SHISA6: variants seen among roughly 807,000 people sequenced by gnomAD.
The protein encoded by SHISA6 is shisa family member 6, also known as protein shisa-6.
In SHISA6, 22 loss-of-function variants were observed where a neutral mutation model predicts 47.9. The observed-to-expected ratio is 0.46, with a 90% CI of 0.33 to 0.66. The LOEUF (loss-of-function observed/expected upper bound fraction) is 0.66. SHISA6 is among the 30% of genes least tolerant of loss of function. The pLI, the probability that SHISA6 is intolerant of heterozygous loss-of-function variation, is 0.02. For synonymous variants in SHISA6, 388 were observed against 337.8 expected (o/e 1.15, Z -1.63); for missense variants, 680 against 764.6 (o/e 0.89, Z 1.30).
intron 3 of SHISA6, among the ~76,000 whole-genome samples, chr17:11,451,559 C>G (rs1035786841): frequency 6.6e-6 from 1 of 152,068 alleles, no homozygotes; most frequent in African/African-American, 2.4e-5. Context: ...AAGGAATGAC[C>G]GGTCAGGGGA....
At chr17:11,375,628 G>A (rs770917943) in intron 2 of SHISA6, among the ~76,000 whole-genome samples, 8 of 152,108 alleles carry the variant, frequency 5.3e-5, no homozygotes, top group African/African-American at 7.2e-5. Context: ...AGAGTCAGCC[G>A]TATCACACAC....
intron 3 of SHISA6, among the ~76,000 whole-genome samples, chr17:11,425,923 A>G (rs1914599049): frequency 6.6e-6 from 1 of 152,186 alleles, no homozygotes; most frequent in Non-Finnish European, 1.5e-5. Context: ...TCCTAAGCCC[A>G]ACACTGAACC....
intron 2 of SHISA6, among the ~76,000 whole-genome samples, chr17:11,322,258 G>T (rs1391054507): frequency 6.6e-6 from 1 of 151,308 alleles, no homozygotes; most frequent in Non-Finnish European, 1.5e-5. Flanking sequence ...GTCAAAGAAC[G>T]TAAAAAAGAA....
chr17:11,360,743 C>T (rs1047906862), intron 2 of SHISA6, among the ~76,000 whole-genome samples: 7 of 151,148 alleles, frequency 4.6e-5, no homozygotes, highest in Non-Finnish European at 8.8e-5. Context: ...CACATGTATA[C>T]CTGTGTAACA....
rs1217865843 is a variant in SHISA6, at chr17:11,241,996, G to A, written c.574G>A (p.Gly192Ser). The A allele has an allele frequency of 6.4e-7, 1 of 1,551,080 alleles. No homozygotes were observed. The highest frequency in any genetic ancestry group is 8.7e-7 in the Non-Finnish European group (1 of 1,147,000). Residue 192 changes from glycine (G) to serine (S), a missense_variant, in exon 1 of 6, where the codon GGC becomes AGC. By Grantham distance (56) the Gly-to-Ser change is moderately conservative. This residue lies in a region of SHISA6 where 559 missense variants were observed against 674.1 expected (regional missense o/e 0.83). Coordinates refer to ENST00000441885, the MANE Select transcript of SHISA6 (RefSeq NM_207386.4). This position sits in a 1 kb window ranked among gnomAD's most constrained non-coding sequence, Gnocchi z 5.5. ...CGVIAFVIVA[G>S]VFAKVSYDKA... ...GGTGATCGCCTTCGTCATCGTGGCC[G>A]GCGTCTTCGCCAAGGTCTCCTACGA...
intron 3 of SHISA6, among the ~76,000 whole-genome samples, chr17:11,460,271 G>A (rs546176924): frequency 5.3e-5 from 8 of 152,206 alleles, no homozygotes; most frequent in Non-Finnish European, 1.0e-4. Flanking sequence ...CAACCAGCTA[G>A]GCTAGGCGCC....
intron 2 of SHISA6, among the ~76,000 whole-genome samples, chr17:11,342,457 G>A (rs1911566904): frequency 6.6e-6 from 1 of 152,070 alleles, no homozygotes; most frequent in Admixed American, 6.5e-5. Context: ...CTTCCCATCA[G>A]TCTAGGGGAG....
At chr17:11,555,635 G>C in intron 4 of SHISA6, 105 bp from the exon 5 acceptor site, 1 of 1,299,004 alleles carries the variant, frequency 7.7e-7, no homozygotes, top group South Asian at 1.6e-5. Flanking sequence ...AAGCACAGAG[G>C]TCCAGGAAAG....
chr17:11,311,470 A>C (rs1369501884), intron 2 of SHISA6, among the ~76,000 whole-genome samples: 1 of 152,172 alleles, frequency 6.6e-6, no homozygotes, highest in African/African-American at 2.4e-5. Context: ...ATGTATTACA[A>C]ATCTGTTGTA....
intron 2 of SHISA6, among the ~76,000 whole-genome samples, chr17:11,350,820 C>A (rs1164862360): frequency 2.6e-5 from 4 of 152,162 alleles, no homozygotes; most frequent in African/African-American, 9.7e-5. Context: ...TAAAATCATT[C>A]TACTATGAAG....
chr17:11,329,673 A>G (rs911678040), intron 2 of SHISA6, among the ~76,000 whole-genome samples: 4 of 152,084 alleles, frequency 2.6e-5, no homozygotes, highest in Admixed American at 6.5e-5. Flanking sequence ...AGCTTTCCTT[A>G]TGTGGTTTTT....
intron 3 of SHISA6, among the ~76,000 whole-genome samples, chr17:11,528,370 A>G (rs1398614656): frequency 6.6e-6 from 1 of 152,242 alleles, no homozygotes; most frequent in African/African-American, 2.4e-5. Context: ...TTCCAAACAG[A>G]AATTCTAATT....
At chr17:11,265,601 A>G (rs1908398174) in intron 2 of SHISA6, among the ~76,000 whole-genome samples, 1 of 152,146 alleles carries the variant, frequency 6.6e-6, no homozygotes, top group Non-Finnish European at 1.5e-5. Flanking sequence ...TGAGTAGTGT[A>G]TTTTGATTTT....
At chr17:11,455,832 A>T (rs1261807049) in intron 3 of SHISA6, among the ~76,000 whole-genome samples, 1 of 152,176 alleles carries the variant, frequency 6.6e-6, no homozygotes, top group Admixed American at 6.5e-5. Context: ...CCTTCTGGTC[A>T]TCGAAAAGCT....
chr17:11,245,322 T>TC (rs1254387111), intron 1 of SHISA6, among the ~76,000 whole-genome samples: 1 of 152,176 alleles, frequency 6.6e-6, no homozygotes, highest in African/African-American at 2.4e-5. Flanking sequence ...GATCTCCACT[T>TC]CACTTTTCCC....
intron 2 of SHISA6, among the ~76,000 whole-genome samples, chr17:11,332,559 G>A (rs746073211): frequency 5.3e-5 from 8 of 152,120 alleles, no homozygotes; most frequent in African/African-American, 1.2e-4. Flanking sequence ...CGGGAAGGAC[G>A]TGGGCCATAT....
chr17:11,384,933 C>T (rs1022617072), intron 3 of SHISA6, among the ~76,000 whole-genome samples: 3 of 152,250 alleles, frequency 2.0e-5, no homozygotes, highest in South Asian at 2.1e-4. Flanking sequence ...AGCGATTGCC[C>T]GTTTTTCCAT....
intron 2 of SHISA6, among the ~76,000 whole-genome samples, chr17:11,271,390 G>A (rs1282679727): frequency 1.3e-5 from 2 of 152,074 alleles, no homozygotes; most frequent in Non-Finnish European, 2.9e-5. Flanking sequence ...ACAAACTCGG[G>A]ATTCAACATG....
At position 11,503,533 on chromosome 17, in the gene SHISA6, C is replaced by T. The variant is rs180930912; in HGVS notation, c.896-48363C>T. ...CATACTGACTCCTGCTGGTTGTTCCCACTTCTCAGCCTGACAGTCGGTTTC... is the reference window on the plus strand; with the variant it reads ...CATACTGACTCCTGCTGGTTGTTCCTACTTCTCAGCCTGACAGTCGGTTTC... On this transcript the variant is annotated intron_variant, in intron 3 of 5. Transcript: ENST00000441885. Among the ~76,000 whole-genome samples, 17 of 152,232 alleles carry T rather than the reference C, an allele frequency of 1.1e-4. No individual in the cohort carries two copies. In the East Asian group the frequency reaches 3.3e-3, roughly 29 times the overall value.
Sources: gnomAD v4.1 joint callset for allele counts (sites outside exome capture counted in the v4.1 genomes callset) on GRCh38, gnomAD v4.1.1 for gene constraint, gnomAD v4.1.1 regional missense constraint, Gnocchi (gnomAD v3.1) non-coding constraint, MANE v1.5 for transcripts, NCBI Gene and HGNC (gene_info 2026-07-23, HGNC 2026-07-21) for gene names.